TSHR: variants seen among roughly 807,000 people sequenced by gnomAD.
TSHR encodes thyrotropin receptor.
A neutral mutation model predicts 64.1 loss-of-function variants in TSHR; 51 were observed. The observed-to-expected ratio is 0.80, with a 90% CI of 0.64 to 1.01. The LOEUF (loss-of-function observed/expected upper bound fraction) is 1.01, where lower values mean the gene tolerates loss of function less well. Among genes scored for constraint, TSHR ranks in the 50% least tolerant of loss-of-function variants. The pLI is 0.00. For missense variants in TSHR, 877 were observed against 942.8 expected, an observed-to-expected ratio of 0.93 and a Z score of 0.91; for synonymous variants, 361 against 361.9, an observed-to-expected ratio of 1.00 and a Z score of 0.03.
chr14:80,995,123 T>C (rs1395641447), intron 1 of TSHR: 2 of 151,968 alleles, frequency 1.3e-5, no homozygotes, highest in Admixed American at 6.6e-5. Context: ...TGAAAAAAGG[T>C]GCCATATCAC....
chr14:80,984,955 A>T (rs2139728902), intron 1 of TSHR, among the ~76,000 whole-genome samples: 1 of 152,294 alleles, frequency 6.6e-6, no homozygotes, highest in East Asian at 1.9e-4. Context: ...TGAATTAAAA[A>T]GGTAATTGCT....
At chr14:81,007,650 ACT>A (rs1447078142) in intron 1 of TSHR, among the ~76,000 whole-genome samples, 6 of 151,986 alleles carry the variant, frequency 3.9e-5, no homozygotes, top group Non-Finnish European at 8.8e-5. Context: ...CCATAATATT[ACT>A]CTTTTCTCCT....
intron 1 of TSHR, among the ~76,000 whole-genome samples, chr14:81,039,834 G>C (rs1884833652): frequency 6.6e-6 from 1 of 151,820 alleles, no homozygotes; most frequent in Non-Finnish European, 1.5e-5. Context: ...CAAGTAAATG[G>C]ATAAAGATAT....
chr14:80,973,217 A>G (rs1035648567), intron 1 of TSHR, among the ~76,000 whole-genome samples: 4 of 151,898 alleles, frequency 2.6e-5, no homozygotes, highest in Non-Finnish European at 4.4e-5. Flanking sequence ...CATCCTGGCT[A>G]ACACAGTGAA....
intron 1 of TSHR, among the ~76,000 whole-genome samples, chr14:81,007,046 C>T (rs539751327): frequency 6.6e-6 from 1 of 152,322 alleles, no homozygotes; most frequent in Admixed American, 6.5e-5. Context: ...CAGGATACCA[C>T]ATTACATTTT....
chr14:81,105,382 A>G (rs1373701598), intron 7 of TSHR, among the ~76,000 whole-genome samples: 2 of 152,232 alleles, frequency 1.3e-5, no homozygotes, highest in African/African-American at 4.8e-5. Context: ...TTGAAAAGCT[A>G]AATGAGGCAG....
intron 2 of TSHR, among the ~76,000 whole-genome samples, chr14:81,068,025 A>G (rs1481377930): frequency 1.3e-5 from 2 of 148,616 alleles, no homozygotes; most frequent in Non-Finnish European, 3.0e-5. Flanking sequence ...TGACAGTTAA[A>G]TGATAATTTC....
intron 1 of TSHR, among the ~76,000 whole-genome samples, chr14:81,015,011 C>A (rs554468509): frequency 6.6e-6 from 1 of 152,194 alleles, no homozygotes; most frequent in South Asian, 2.1e-4. Context: ...GGATAGAGTT[C>A]TTAGAATCTG....
chr14:80,982,860 A>G, intron 1 of TSHR: 1 of 505,026 alleles, frequency 2.0e-6, no homozygotes, highest in Non-Finnish European at 3.6e-6. Context: ...TCCAGACCAT[A>G]GATGAGATTA....
intron 1 of TSHR, among the ~76,000 whole-genome samples, chr14:81,042,367 A>G (rs1884963797): frequency 6.6e-6 from 1 of 152,216 alleles, no homozygotes; most frequent in South Asian, 2.1e-4. Context: ...TATTCACAAA[A>G]GCCAAGATAT....
rs370108974 is a variant in TSHR at position 81,031,526 on chromosome 14, T to C, written c.171-30622T>C. 2.5e-4 allele frequency among the ~76,000 whole-genome samples: 38 copies of C among 152,320 alleles called. 1 individual carries two copies. The East Asian group carries it at 3.5e-3, about 14-fold the overall frequency. On this transcript the variant is annotated intron_variant, in intron 1 of 9. Coordinates refer to ENST00000298171, the MANE Select transcript of TSHR (RefSeq NM_000369.5). ...CAGGGAAAATCTATGTTGTTTCTTA[T>C]TTATTTGCACTTTGGTACTCTAGAA...
chr14:81,060,910 A>T (rs1566786655), intron 1 of TSHR, among the ~76,000 whole-genome samples: 1 of 152,162 alleles, frequency 6.6e-6, no homozygotes, highest in Non-Finnish European at 1.5e-5. Flanking sequence ...TAACTCAAAA[A>T]ATGGAGTGCC....
intron 1 of TSHR, chr14:81,014,441 T>C (rs773446627): frequency 6.6e-6 from 1 of 152,170 alleles, no homozygotes; most frequent in African/African-American, 2.4e-5. Flanking sequence ...AGATAATATA[T>C]GCAAACAGAT....
chr14:81,043,123 G>T (rs932677457), intron 1 of TSHR, among the ~76,000 whole-genome samples: 1 of 152,126 alleles, frequency 6.6e-6, no homozygotes, highest in Non-Finnish European at 1.5e-5. Flanking sequence ...AGAGTATTCA[G>T]ATTCAAAGAG....
intron 1 of TSHR, among the ~76,000 whole-genome samples, chr14:81,030,296 G>T (rs2300522): frequency 0.24 from 37,163 of 151,850 alleles, 4,665 homozygotes; most frequent in South Asian, 0.33. Context: ...GTCTCTTGGC[G>T]AAAAGACCAC....
At chr14:81,047,333 C>CA (rs1885213600) in intron 1 of TSHR, among the ~76,000 whole-genome samples, 2 of 152,168 alleles carry the variant, frequency 1.3e-5, no homozygotes, top group African/African-American at 2.4e-5. Context: ...TACACACACA[C>CA]ACACCCCTCC....
intron 1 of TSHR, among the ~76,000 whole-genome samples, chr14:80,986,318 A>C (rs1284540528): frequency 6.6e-6 from 1 of 152,182 alleles, no homozygotes; most frequent in Non-Finnish European, 1.5e-5. Flanking sequence ...ATAGAGAGAG[A>C]TAGATAGAGA....
chr14:81,125,695 C>G (rs1041355435), intron 8 of TSHR, among the ~76,000 whole-genome samples: 1 of 152,118 alleles, frequency 6.6e-6, no homozygotes, highest in Admixed American at 6.5e-5. Flanking sequence ...CCTGCAGATG[C>G]AAAGCCAGGG....
At chr14:81,087,758 C>T (rs553109753) in intron 3 of TSHR, 196 bp from the exon 4 acceptor site, 1 of 644,638 alleles carries the variant, frequency 1.6e-6, no homozygotes, top group African/African-American at 1.8e-5. Flanking sequence ...GCTGAGCAGC[C>T]ATTGGGTCCC....
Sources: gnomAD v4.1 joint callset for allele counts (sites outside exome capture counted in the v4.1 genomes callset) on GRCh38, gnomAD v4.1.1 for gene constraint, MANE v1.5 for transcripts, NCBI Gene and HGNC (gene_info 2026-07-23, HGNC 2026-07-21) for gene names.